The following HMCN2 variants were observed in gnomAD, a reference collection of about 807,000 sequenced individuals.
HMCN2 encodes hemicentin-2.
In HMCN2, 325 loss-of-function variants were observed where a neutral mutation model predicts 377.5. That is an observed-to-expected ratio of 0.86 (90% CI 0.79 to 0.94). The LOEUF (loss-of-function observed/expected upper bound fraction) is 0.94. Ranked by LOEUF, HMCN2 falls within the 40% of genes least tolerant of loss-of-function variation. HMCN2 has a pLI of 0.00. For missense variants in HMCN2, 4,543 were observed against 4,725.3 expected, an observed-to-expected ratio of 0.96 and a Z score of 1.13; for synonymous variants, 2,007 against 2,046.8, an observed-to-expected ratio of 0.98 and a Z score of 0.53.
intron 65 of HMCN2, 138 bp downstream of exon 65, chr9:130,391,712 A>G (rs1842331207): frequency 2.5e-6 from 2 of 801,768 alleles, no homozygotes; most frequent in African/African-American, 1.9e-5. Flanking sequence ...TCCTCAAACT[A>G]GAGGACAATA....
intron 15 of HMCN2, among the ~76,000 whole-genome samples, chr9:130,314,813 A>C (rs1837446386): frequency 6.6e-6 from 1 of 152,158 alleles, no homozygotes; most frequent in Non-Finnish European, 1.5e-5. Flanking sequence ...CTAGAGCTGT[A>C]AGGTACCAGG....
At position 130,331,014 on chromosome 9, in the gene HMCN2, C is replaced by T. The variant is rs960526371; in HGVS notation, c.3359+3539C>T. Among the ~76,000 whole-genome samples, 761 of 127,274 alleles carry T rather than the reference C, an allele frequency of 6.0e-3. 13 individuals carry two copies. Among genetic ancestry groups the T allele is most frequent in the African/African-American group, 0.02 (702 of 35,056 alleles). 83.5% of individuals were successfully genotyped at this position (127,274 alleles called of 152,430 possible). ...ACACACACACACACACACAAATAGC[C>T]GGACGTGGTGGTGCGCGCCTGTAGT... is the stretch of plus-strand genomic sequence containing the variant. On this transcript the variant is annotated intron_variant, in intron 22 of 97. Transcript: ENST00000683500.
intron 22 of HMCN2, among the ~76,000 whole-genome samples, chr9:130,337,626 A>G (rs985022404): frequency 3.0e-4 from 45 of 152,096 alleles, no homozygotes; most frequent in African/African-American, 1.1e-3. Context: ...CTGAGGTCAC[A>G]CAGCTAGGAA....
chr9:130,294,219 C>T (rs774957550), intron 4 of HMCN2, among the ~76,000 whole-genome samples: 1 of 152,150 alleles, frequency 6.6e-6, no homozygotes, highest in African/African-American at 2.4e-5. Flanking sequence ...GGATGATATC[C>T]CAGGCAAAGG....
chr9:130,271,348 T>C (rs1357696754), intron 1 of HMCN2, among the ~76,000 whole-genome samples: 6 of 149,004 alleles, frequency 4.0e-5, no homozygotes, highest in African/African-American at 1.5e-4. Context: ...GGAGTATCTA[T>C]CTACATGGAT....
chr9:130,401,245 C>G (rs1239403388), intron 77 of HMCN2, among the ~76,000 whole-genome samples: 1 of 152,150 alleles, frequency 6.6e-6, no homozygotes, highest in Non-Finnish European at 1.5e-5. Context: ...TGGTTTAATC[C>G]CATCAGAAAG....
chr9:130,368,495 G>C, intron 44 of HMCN2, 58 bp downstream of exon 44: 7 of 933,540 alleles, frequency 7.5e-6, no homozygotes, highest in Non-Finnish European at 8.9e-6. Context: ...CTGGGCAGGC[G>C]CTGCCCTGAA....
At chr9:130,432,911 C>A in intron 97 of HMCN2, 6 of 367,586 alleles carry the variant, frequency 1.6e-5, no homozygotes, top group Non-Finnish European at 2.5e-5. Flanking sequence ...GGAAAGGTTT[C>A]TCCCGGCGGG....
At chr9:130,286,964 G>A (rs190788383) in intron 4 of HMCN2, among the ~76,000 whole-genome samples, 150 of 152,206 alleles carry the variant, frequency 9.9e-4, no homozygotes, top group African/African-American at 3.5e-3. Flanking sequence ...CCACACTCCC[G>A]TCCGCTCCCA....
intron 86 of HMCN2, 83 bp downstream of exon 86, chr9:130,419,124 C>G: frequency 7.6e-7 from 1 of 1,311,184 alleles, no homozygotes. Flanking sequence ...TATGGGAGAC[C>G]TGTCCCCTGC....
chr9:130,418,961 C>T lies in HMCN2; in HGVS notation c.13151C>T (p.Thr4384Ile). 4.6e-6 allele frequency: 7 copies of T among 1,532,260 alleles called. No individual in the cohort carries two copies. Among genetic ancestry groups the T allele is most frequent in the Admixed American group, 2.1e-5 (1 of 47,986 alleles). The allele number at this position is 1,532,260 out of a possible 1,614,324, so 94.9% of individuals were successfully genotyped here. A position where few individuals can be genotyped will look rare whatever the true frequency, so the allele number is the denominator to read the frequency against. The change falls in exon 86 of 98, where the codon ACT becomes ATT. Residue 4384 changes from threonine to isoleucine, a missense_variant. Thr to Ile is a moderately conservative substitution (Grantham distance 89). Transcript: ENST00000683500. ...DGSLWLENVE[T>I]GDAGTYDCVA... The stretch of plus-strand genomic sequence containing the variant: ...AGCCTGTGGCTGGAGAACGTGGAGA[C>T]TGGGGATGCAGGCACCTACGACTGC...
At chr9:130,299,337 C>A (rs1263615761) in intron 8 of HMCN2, 49 bp downstream of exon 8, 1 of 393,110 alleles carries the variant, frequency 2.5e-6, no homozygotes, top group Admixed American at 3.3e-5. Context: ...CATTCAGAGT[C>A]CCATTTCATC....
At position 130,431,347 on chromosome 9, in the gene HMCN2, C is replaced by T. The variant is rs1384340554; in HGVS notation, c.14648-20C>T. ...CTCTGCCCCCATCCCCCACCTGCCC[C>T]ACCCCCATGCCCGGGCCAGACCTTG... On this transcript the variant is annotated intron_variant, in intron 95 of 97. Transcript: ENST00000683500. 5 of 1,547,316 alleles carry T rather than the reference C, an allele frequency of 3.2e-6. No homozygotes were observed. The highest frequency in any genetic ancestry group is 2.7e-5 in the African/African-American group (2 of 72,996).
At chr9:130,334,549 G>T (rs1838605459) in intron 22 of HMCN2, among the ~76,000 whole-genome samples, 50 of 99,054 alleles carry the variant, frequency 5.0e-4, no homozygotes, top group East Asian at 2.5e-3. Flanking sequence ...ACTTTTGGAA[G>T]TTTTTTTTTT....
At chr9:130,370,208 C>G (rs1243815388) in intron 45 of HMCN2, among the ~76,000 whole-genome samples, 1 of 152,130 alleles carries the variant, frequency 6.6e-6, no homozygotes, top group Admixed American at 6.5e-5. Flanking sequence ...CCAGGAAAAC[C>G]TTGAATACTG....
In HMCN2 at chr9:130,353,078, G is replaced by A. The variant is rs1025980683; in HGVS notation, c.4737G>A (p.Val1579=). Residue 1579 remains valine (V), a synonymous_variant, in exon 31 of 98, where the codon GTG becomes GTA. Transcript: ENST00000683500. ...CCCTGCTCCCCACCAGCACCAAGGT[G>A]GTCTACACTAGGGGCGGTCGGCAGT... ...DGALLPTSTK[V]VYTRGGRQLQ... 2.3e-6 allele frequency: 3 copies of A among 1,304,244 alleles called. No individual in the cohort carries two copies. The highest frequency in any genetic ancestry group is 3.0e-6 in the Non-Finnish European group (3 of 988,944). The allele number at this position is 1,304,244 out of a possible 1,614,324, so 80.8% of individuals were successfully genotyped here. A position where few individuals can be genotyped will look rare whatever the true frequency, so the allele number is the denominator to read the frequency against.
rs1554926958 is a variant in HMCN2, at chr9:130,284,677, G to A, written c.330+4G>A. 2 of 471,116 alleles carry A rather than the reference G, an allele frequency of 4.2e-6. No homozygotes were observed. The highest frequency in any genetic ancestry group is 3.1e-5 in the South Asian group (2 of 64,574). 29.2% of individuals were successfully genotyped at this position (471,116 alleles called of 1,614,324 possible). A position where few individuals can be genotyped will look rare whatever the true frequency, so the allele number is the denominator to read the frequency against. ...GCTGAGAGAACTCTACGTGCAGGTG[G>A]GCAGCCCCTGACCCTCTGTCCCACT... On this transcript the variant is annotated splice_donor_region_variant and intron_variant, in intron 2 of 97. Transcript: ENST00000683500.
Position 130,384,773 on chromosome 9 carries a change from G to A in HMCN2, c.9081G>A (p.Gln3027=), listed in dbSNP as rs1034834754. Residue 3027 remains glutamine (Q), a synonymous_variant, in exon 59 of 98, where the codon CAG becomes CAA. Coordinates refer to ENST00000683500, the MANE Select transcript of HMCN2 (RefSeq NM_001291815.2). ...CCCTCAATGCTGCCGGCCGAGACCAGAAGCTGGTGCAGCTCAGTGTTCTGG... is the reference window on the plus strand; with the variant it reads ...CCCTCAATGCTGCCGGCCGAGACCAAAAGCTGGTGCAGCTCAGTGTTCTGG... The part of the protein sequence containing the change: ...CEALNAAGRD[Q]KLVQLSVLVP... The A allele has an allele frequency of 3.1e-6, 4 of 1,303,426 alleles. No individual in the cohort carries two copies. In the African/African-American group the frequency reaches 6.1e-5, roughly 20 times the overall value. 80.7% of individuals were successfully genotyped at this position (1,303,426 alleles called of 1,614,324 possible).
chr9:130,375,883 C>G lies in HMCN2; in HGVS notation c.7812C>G (p.His2604Gln). 1 of 985,932 alleles carries G rather than the reference C, an allele frequency of 1.0e-6. No homozygotes were observed. Among genetic ancestry groups the G allele is most frequent in the Non-Finnish European group, 1.2e-6 (1 of 830,018 alleles). 61.1% of individuals were successfully genotyped at this position (985,932 alleles called of 1,614,324 possible). A position where few individuals can be genotyped will look rare whatever the true frequency, so the allele number is the denominator to read the frequency against. Residue 2604 changes from histidine to glutamine, a missense_variant, in exon 51 of 98, where the codon CAC (histidine) becomes CAG (glutamine). This residue lies in a region of HMCN2 where 736 missense variants were observed against 773.2 expected (regional missense o/e 0.95). Coordinates refer to ENST00000683500, the MANE Select transcript of HMCN2 (RefSeq NM_001291815.2). ...SRNIQLLPGTHGLQILNAQKE... is the reference protein window; with the variant it reads ...SRNIQLLPGTQGLQILNAQKE... ...CCACTGGCCCCCACACAGGTACCCA[C>G]GGGCTGCAGATCCTGAATGCCCAGA...
Sources: gnomAD v4.1 joint callset for allele counts (sites outside exome capture counted in the v4.1 genomes callset) on GRCh38, gnomAD v4.1.1 for gene constraint, gnomAD v4.1.1 regional missense constraint, MANE v1.5 for transcripts, NCBI Gene and HGNC (gene_info 2026-07-23, HGNC 2026-07-21) for gene names.